Variants in PSME3IP1 observed in about 807,000 individuals in gnomAD.
PSME3IP1 encodes the protein proteasome activator subunit 3 interacting protein 1.
Under a neutral mutation model 34.1 loss-of-function variants are expected in PSME3IP1, and 13 were observed. That is an observed-to-expected ratio of 0.38 (90% CI 0.25 to 0.61). The LOEUF (loss-of-function observed/expected upper bound fraction) is 0.61. Among genes scored for constraint, PSME3IP1 ranks in the 20% least tolerant of loss-of-function variants. PSME3IP1 has a pLI of 0.60. For synonymous variants in PSME3IP1, 93 were observed against 114.3 expected (o/e 0.81, Z 1.19); for missense variants, 237 against 301.4 (o/e 0.79, Z 1.58).
chr16:57,160,260 G>A (rs994999411), intron 6 of PSME3IP1, among the ~76,000 whole-genome samples: 4 of 149,810 alleles, frequency 2.7e-5, no homozygotes, highest in Non-Finnish European at 3.0e-5. Context: ...ACTGCAGTCC[G>A]CAGTCCGGCC....
intron 6 of PSME3IP1, among the ~76,000 whole-genome samples, chr16:57,161,537 A>C (rs2071232084): frequency 1.6e-5 from 2 of 124,906 alleles, no homozygotes; most frequent in South Asian, 5.1e-4. Flanking sequence ...TTTGAGACGG[A>C]GTCTCCCTCT....
chr16:57,168,504 T>TAA (rs11390503), intron 4 of PSME3IP1, among the ~76,000 whole-genome samples: 28 of 150,780 alleles, frequency 1.9e-4, no homozygotes, highest in Non-Finnish European at 2.8e-4. Flanking sequence ...CATTTTTATT[T>TAA]AAAAAAAAAT....
intron 6 of PSME3IP1, among the ~76,000 whole-genome samples, chr16:57,161,468 A>G (rs2071220257): frequency 6.6e-6 from 1 of 152,032 alleles, no homozygotes; most frequent in Non-Finnish European, 1.5e-5. Flanking sequence ...AAAAAAAGCC[A>G]TAGTAGCCAA....
intron 1 of PSME3IP1, among the ~76,000 whole-genome samples, chr16:57,183,822 C>A (rs1369140377): frequency 6.6e-6 from 1 of 152,156 alleles, no homozygotes; most frequent in African/African-American, 2.4e-5. Flanking sequence ...AGGAGCCCAT[C>A]CAGGGAGTGG....
At chr16:57,167,002 C>T (rs997094568) in intron 5 of PSME3IP1, 91 bp downstream of exon 5, 9 of 1,487,374 alleles carry the variant, frequency 6.1e-6, no homozygotes, top group South Asian at 4.9e-5. Context: ...AGGACTCACG[C>T]GAGGCAAGCG....
At chr16:57,158,107 G>C (rs1335416445) in intron 6 of PSME3IP1, among the ~76,000 whole-genome samples, 2 of 152,176 alleles carry the variant, frequency 1.3e-5, no homozygotes, top group Non-Finnish European at 2.9e-5. Flanking sequence ...AAATGTGTCA[G>C]ACAGTTTACA....
intron 6 of PSME3IP1, among the ~76,000 whole-genome samples, chr16:57,159,148 A>C (rs1428050631): frequency 6.6e-6 from 1 of 152,206 alleles, no homozygotes; most frequent in Non-Finnish European, 1.5e-5. Flanking sequence ...GAAGAATGGA[A>C]GTTAGCTACA....
intron 1 of PSME3IP1, among the ~76,000 whole-genome samples, chr16:57,180,338 C>G (rs2073579135): frequency 6.6e-6 from 1 of 151,844 alleles, no homozygotes; most frequent in Non-Finnish European, 1.5e-5. Context: ...ACCTGTAATC[C>G]TAGCACTTTG....
At chr16:57,186,077 G>A (rs2074156519), upstream of PSME3IP1, 13 of 985,422 alleles carry the variant, frequency 1.3e-5, no homozygotes, top group South Asian at 9.4e-5. Context: ...AACCCAATCC[G>A]CGGAGCTCTT....
intron 4 of PSME3IP1, among the ~76,000 whole-genome samples, chr16:57,170,775 A>G (rs1294964856): frequency 6.6e-6 from 1 of 152,226 alleles, no homozygotes; most frequent in East Asian, 1.9e-4. Flanking sequence ...ACAAATCTAT[A>G]AAAAATGATA....
intron 6 of PSME3IP1, among the ~76,000 whole-genome samples, chr16:57,160,529 C>T (rs2071108933): frequency 6.6e-6 from 1 of 152,172 alleles, no homozygotes; most frequent in South Asian, 2.1e-4. Flanking sequence ...ATCAAGTCTA[C>T]TTCAAAGTAT....
intron 1 of PSME3IP1, chr16:57,181,609 G>A (rs1463610516): frequency 3.9e-5 from 6 of 152,274 alleles, no homozygotes; most frequent in African/African-American, 1.4e-4. Context: ...CACAAGACTA[G>A]CCTCCATTTT....
chr16:57,173,847 C>G lies in PSME3IP1; in HGVS notation c.8G>C (p.Gly3Ala). 1 of 1,613,748 alleles carries G rather than the reference C, an allele frequency of 6.2e-7. No homozygotes were observed. Among genetic ancestry groups the G allele is most frequent in the Non-Finnish European group, 8.5e-7 (1 of 1,179,872 alleles). The change falls in exon 2 of 7, where the codon GGA becomes GCA. Residue 3 changes from glycine (G) to alanine (A), a missense_variant. Transcript: ENST00000309137. MD[G>A]GDDGNLIIKK... ...GATAATAAGGTTACCATCATCCCCT[C>G]CATCCATAATGAAACAACCAATCTA...
At chr16:57,157,309 T>G (rs1465525443) in intron 6 of PSME3IP1, among the ~76,000 whole-genome samples, 2 of 116,104 alleles carry the variant, frequency 1.7e-5, no homozygotes, top group African/African-American at 6.7e-5. Flanking sequence ...CGAGAACCTA[T>G]CTCCAAAAAA....
chr16:57,164,138 A>C, intron 5 of PSME3IP1, 73 bp from the exon 6 acceptor site: 2 of 1,349,344 alleles, frequency 1.5e-6, no homozygotes, highest in Non-Finnish European at 2.1e-6. Flanking sequence ...CAGGAGCTCC[A>C]ATAACTATTT....
intron 6 of PSME3IP1, among the ~76,000 whole-genome samples, chr16:57,159,456 G>T (rs2145485235): frequency 6.6e-6 from 1 of 152,336 alleles, no homozygotes; most frequent in Non-Finnish European, 1.5e-5. Context: ...TGACTTGGGA[G>T]TAGATGGGGC....
chr16:57,170,506 T>C (rs2072444085), intron 4 of PSME3IP1, among the ~76,000 whole-genome samples: 2 of 152,250 alleles, frequency 1.3e-5, no homozygotes, highest in African/African-American at 4.8e-5. Context: ...ACCAGTGATG[T>C]TACTCAACAT....
chr16:57,177,552 A>T (rs1455801237), intron 1 of PSME3IP1, among the ~76,000 whole-genome samples: 1 of 152,096 alleles, frequency 6.6e-6, no homozygotes, highest in Non-Finnish European at 1.5e-5. Context: ...AATAAGAAAT[A>T]AAGTAAATGC....
At chr16:57,164,981 C>T (rs558724868) in intron 5 of PSME3IP1, among the ~76,000 whole-genome samples, 15 of 149,870 alleles carry the variant, frequency 1.0e-4, no homozygotes, top group South Asian at 2.1e-4. Flanking sequence ...GCCAAGATTG[C>T]GCCATTGCAC....
Sources: allele counts gnomAD v4.1 joint callset (sites outside exome capture counted in the v4.1 genomes callset), GRCh38; gene constraint gnomAD v4.1.1; transcripts MANE v1.5; gene names NCBI Gene and HGNC (gene_info 2026-07-23, HGNC 2026-07-21).